AMOT: variants seen among roughly 807,000 people sequenced by gnomAD.
The protein encoded by AMOT is angiomotin.
A neutral mutation model predicts 67.0 loss-of-function variants in AMOT; 11 were observed. That is an observed-to-expected ratio of 0.16 (90% CI 0.10 to 0.27). The LOEUF (loss-of-function observed/expected upper bound fraction) is 0.27. AMOT is among the 10% of genes least tolerant of loss of function. The probability of loss-of-function intolerance (pLI) is 1.00; values close to 1 mark genes in which losing one functional copy is unlikely to be tolerated. For missense variants in AMOT, 753 were observed against 852.0 expected (o/e 0.88, Z 1.45); for synonymous variants, 326 against 321.4 (o/e 1.01, Z -0.15).
chrX:112,782,839 G>A (rs1435549454), intron 10 of AMOT, among the ~76,000 whole-genome samples, 177 bp from the exon 11 acceptor site: 9 of 112,122 alleles, frequency 8.0e-5, no homozygotes, highest in East Asian at 2.8e-4. Flanking sequence ...ACAGTTCAGC[G>A]TTCAGGGTAG....
chrX:112,801,133 A>G (rs1175161874), intron 8 of AMOT, among the ~76,000 whole-genome samples: 3 of 111,695 alleles, frequency 2.7e-5, no homozygotes, highest in Non-Finnish European at 5.6e-5. Context: ...ATCATAAGAC[A>G]GCAGCCAGCC....
chrX:112,829,254 G>A (rs776803944), intron 2 of AMOT, among the ~76,000 whole-genome samples: 62 of 111,712 alleles, frequency 5.5e-4, no homozygotes, highest in Middle Eastern at 4.6e-3. Context: ...TTTGGTGGGA[G>A]GTGATTGGAT....
chrX:112,839,598 C>G (rs1935236599), intron 1 of AMOT, among the ~76,000 whole-genome samples: 1 of 111,809 alleles, frequency 8.9e-6, no homozygotes, highest in South Asian at 3.8e-4. Flanking sequence ...AATGCTGTTT[C>G]TCACCAACTT....
chrX:112,839,354 G>C (rs188806148), intron 1 of AMOT, among the ~76,000 whole-genome samples: 2 of 112,361 alleles, frequency 1.8e-5, no homozygotes, highest in East Asian at 5.6e-4. Flanking sequence ...GCCTGAGAAA[G>C]AACTTTTCAC....
intron 11 of AMOT, 90 bp from the exon 12 acceptor site, chrX:112,781,208 G>A (rs1933154861): frequency 1.7e-5 from 14 of 845,116 alleles, no homozygotes; most frequent in South Asian, 7.0e-5. Flanking sequence ...TTGGGAGGCC[G>A]AGGTGGGCGG....
chrX:112,810,096 A>G, intron 6 of AMOT, 110 bp from the exon 7 acceptor site: 2 of 587,708 alleles, frequency 3.4e-6, no homozygotes, highest in Admixed American at 5.3e-5. Context: ...TCTTCTTGTT[A>G]AACAGGAATG....
At chrX:112,810,899 C>T (rs1178563257) in intron 6 of AMOT, among the ~76,000 whole-genome samples, 1 of 111,408 alleles carries the variant, frequency 9.0e-6, no homozygotes, top group Non-Finnish European at 1.9e-5. Context: ...ATACTTCAAG[C>T]TTGCAGTCAA....
chrX:112,816,779 G>A (rs995297957), intron 4 of AMOT, among the ~76,000 whole-genome samples: 19 of 111,736 alleles, frequency 1.7e-4, no homozygotes, highest in African/African-American at 6.2e-4. Flanking sequence ...TCTGTGCACT[G>A]ATACTTAGAT....
intron 1 of AMOT, among the ~76,000 whole-genome samples, chrX:112,835,535 T>G (rs1168137084): frequency 2.7e-5 from 3 of 111,092 alleles, no homozygotes; most frequent in Non-Finnish European, 5.7e-5. Context: ...TTAGAGAAAT[T>G]TAATCTAATT....
chrX:112,818,866 C>G (rs1934636823), intron 4 of AMOT, among the ~76,000 whole-genome samples: 2 of 111,359 alleles, frequency 1.8e-5, no homozygotes, highest in African/African-American at 6.5e-5. Context: ...CCAGGAACAA[C>G]AAGCCGCCTG....
chrX:112,815,065 C>A (rs1329222098), intron 5 of AMOT, among the ~76,000 whole-genome samples: 1 of 112,217 alleles, frequency 8.9e-6, no homozygotes, highest in East Asian at 2.8e-4. Context: ...AGAAGTATCA[C>A]TGCCTTTTGG....
At chrX:112,821,359 T>C (rs1934711023) in intron 4 of AMOT, among the ~76,000 whole-genome samples, 1 of 111,155 alleles carries the variant, frequency 9.0e-6, no homozygotes, top group African/African-American at 3.3e-5. Flanking sequence ...TTAAACCTTT[T>C]CTCCTGCCCT....
chrX:112,800,807 G>A (rs185218093), intron 8 of AMOT, among the ~76,000 whole-genome samples: 10 of 111,975 alleles, frequency 8.9e-5, no homozygotes, highest in African/African-American at 3.2e-4. Context: ...ATTGCAATGG[G>A]ACTCCAGAAA....
chrX:112,835,252 G>T (rs1195522988), intron 1 of AMOT, among the ~76,000 whole-genome samples: 2 of 111,592 alleles, frequency 1.8e-5, no homozygotes, highest in Non-Finnish European at 3.8e-5. Context: ...AAGACAGAGA[G>T]GGGCTGGGCA....
intron 8 of AMOT, among the ~76,000 whole-genome samples, chrX:112,804,032 A>C (rs867680830): frequency 4.5e-5 from 5 of 111,971 alleles, no homozygotes; most frequent in African/African-American, 1.3e-4. Context: ...AACAACTGAC[A>C]TCCAAGATAA....
chrX:112,833,228 C>T (rs1935041709), intron 1 of AMOT, among the ~76,000 whole-genome samples: 1 of 111,277 alleles, frequency 9.0e-6, no homozygotes, highest in Admixed American at 9.5e-5. Context: ...AAAGCATTGA[C>T]TCTACTGCAA....
chrX:112,839,314 G>A (rs1036025633), intron 1 of AMOT, among the ~76,000 whole-genome samples: 3 of 112,099 alleles, frequency 2.7e-5, no homozygotes, highest in South Asian at 7.5e-4. Context: ...GGTGCTGAAA[G>A]GTCTAACTGA....
intron 10 of AMOT, among the ~76,000 whole-genome samples, chrX:112,789,098 C>A (rs1933481933): frequency 8.9e-6 from 1 of 111,878 alleles, no homozygotes; most frequent in Non-Finnish European, 1.9e-5. Flanking sequence ...TCACACTGCA[C>A]ACTCTCGTGA....
intron 1 of AMOT, among the ~76,000 whole-genome samples, chrX:112,833,962 T>TC (rs1352855457): frequency 8.9e-6 from 1 of 112,468 alleles, no homozygotes; most frequent in African/African-American, 3.2e-5. Context: ...CTAATTAGCT[T>TC]CCTAATGGGG....
Sources: allele counts gnomAD v4.1 joint callset (sites outside exome capture counted in the v4.1 genomes callset), GRCh38; gene constraint gnomAD v4.1.1; transcripts MANE v1.5; gene names NCBI Gene and HGNC (gene_info 2026-07-23, HGNC 2026-07-21).